Variants in CCDC30 observed in about 807,000 individuals in gnomAD.
CCDC30 encodes the protein coiled-coil domain containing 30, also known as coiled-coil domain-containing protein 30.
A neutral mutation model predicts 100.2 loss-of-function variants in CCDC30; 70 were observed. The ratio of observed to expected loss-of-function variants is 0.70; its 90% CI spans 0.58 to 0.85. The LOEUF (loss-of-function observed/expected upper bound fraction) is 0.85, where lower values mean the gene tolerates loss of function less well. Ranked by LOEUF, CCDC30 falls within the 40% of genes least tolerant of loss-of-function variation. The probability of loss-of-function intolerance (pLI) is 0.00; values close to 1 mark genes in which losing one functional copy is unlikely to be tolerated. For missense variants in CCDC30, 652 were observed against 771.2 expected (o/e 0.85, Z 1.83); for synonymous variants, 233 against 269.5 (o/e 0.86, Z 1.33).
chr1:42,463,747 G>A (rs1320067473), exon 1 of CCDC30: 3 of 152,124 alleles, frequency 2.0e-5, no homozygotes, highest in East Asian at 3.9e-4. Context: ...CCACTACGAA[G>A]TCCACGGAGG....
At chr1:42,576,649 T>C (rs1304900093) in intron 7 of CCDC30, among the ~76,000 whole-genome samples, 1 of 152,226 alleles carries the variant, frequency 6.6e-6, no homozygotes, top group Non-Finnish European at 1.5e-5. Flanking sequence ...CAGCAAAGTT[T>C]GGTGTCACAG....
At chr1:42,514,152 G>A (rs529563751) in intron 6 of CCDC30, among the ~76,000 whole-genome samples, 1 of 152,184 alleles carries the variant, frequency 6.6e-6, no homozygotes, top group African/African-American at 2.4e-5. Flanking sequence ...TCATCAATTG[G>A]ACATTTGATA....
chr1:42,601,963 A>G (rs912789689), intron 10 of CCDC30, among the ~76,000 whole-genome samples: 1 of 152,194 alleles, frequency 6.6e-6, no homozygotes, highest in Admixed American at 6.5e-5. Context: ...AATTCATCAG[A>G]TAAATTCAAC....
chr1:42,478,400 C>T (rs1397871404), intron 1 of CCDC30, among the ~76,000 whole-genome samples: 1 of 152,148 alleles, frequency 6.6e-6, no homozygotes, highest in African/African-American at 2.4e-5. Context: ...TCTTGGATGA[C>T]TCTAATACCA....
At chr1:42,583,765 G>C (rs751556964) in intron 9 of CCDC30, among the ~76,000 whole-genome samples, 1 of 152,198 alleles carries the variant, frequency 6.6e-6, no homozygotes, top group African/African-American at 2.4e-5. Context: ...TATGCAGTCT[G>C]TATGGCGTCA....
At chr1:42,628,648 T>C (rs1031774775) in intron 11 of CCDC30, among the ~76,000 whole-genome samples, 13 of 152,176 alleles carry the variant, frequency 8.5e-5, no homozygotes, top group East Asian at 1.9e-4. Flanking sequence ...TGAGATCTGA[T>C]GGGTTTATCA....
At chr1:42,633,121 A>T (rs1647072542) in intron 11 of CCDC30, among the ~76,000 whole-genome samples, 1 of 152,152 alleles carries the variant, frequency 6.6e-6, no homozygotes, top group Non-Finnish European at 1.5e-5. Flanking sequence ...GCTATACATT[A>T]TTCTTTGTAT....
In CCDC30 at chr1:42,541,836, C is replaced by G. The variant is rs138330460; in HGVS notation, c.457-24460C>G. ...AAGAAGCTGTATGTATTTGCTGAAG[C>G]CCACATTTTACAGGCTGTCATTTTT... is the stretch of plus-strand genomic sequence containing the variant. On this transcript the variant is annotated intron_variant, in intron 6 of 16. Coordinates refer to ENST00000668663, the Ensembl canonical transcript of CCDC30. 2.2e-3 allele frequency among the ~76,000 whole-genome samples: 333 copies of G among 152,264 alleles called. 2 individuals are homozygous for G. The highest frequency in any genetic ancestry group is 7.7e-3 in the African/African-American group (320 of 41,542).
intron 12 of CCDC30, among the ~76,000 whole-genome samples, chr1:42,638,860 G>A (rs1410786638): frequency 1.3e-5 from 2 of 151,340 alleles, no homozygotes; most frequent in Admixed American, 6.6e-5. Flanking sequence ...TGGGGGACAA[G>A]AGCAAAACTC....
At chr1:42,458,374 TAGTC>T (rs1569612978), upstream of CCDC30, among the ~76,000 whole-genome samples, 1 of 152,182 alleles carries the variant, frequency 6.6e-6, no homozygotes, top group Non-Finnish European at 1.5e-5. Flanking sequence ...CAGGAGTTCT[TAGTC>T]ATTTATTGGG....
intron 6 of CCDC30, among the ~76,000 whole-genome samples, chr1:42,507,838 A>T (rs907528455): frequency 6.6e-6 from 1 of 152,204 alleles, no homozygotes; most frequent in Non-Finnish European, 1.5e-5. Flanking sequence ...TATTTGACTT[A>T]CATGATTTAG....
At chr1:42,473,888 A>T (rs750487182) in intron 1 of CCDC30, among the ~76,000 whole-genome samples, 5 of 152,214 alleles carry the variant, frequency 3.3e-5, no homozygotes, top group South Asian at 2.1e-4. Flanking sequence ...TTTCCACAAT[A>T]GGGCTATCTA....
intron 15 of CCDC30, among the ~76,000 whole-genome samples, chr1:42,651,837 G>A (rs1648377594): frequency 1.3e-5 from 2 of 152,164 alleles, no homozygotes; most frequent in South Asian, 4.1e-4. Context: ...TCATGCTACT[G>A]CACTCCAGCC....
upstream of CCDC30, chr1:42,459,553 G>A (rs780056196): frequency 6.9e-7 from 1 of 1,439,996 alleles, no homozygotes; most frequent in Non-Finnish European, 9.6e-7. Flanking sequence ...GATTGACCTG[G>A]TAGGTAATGA....
At chr1:42,477,279 G>C (rs2148449962) in intron 1 of CCDC30, among the ~76,000 whole-genome samples, 1 of 152,260 alleles carries the variant, frequency 6.6e-6, no homozygotes, top group South Asian at 2.1e-4. Context: ...ACCCAGGCTG[G>C]AGTGCAGTGG....
chr1:42,460,283 C>T (rs1042718413), upstream of CCDC30: 3 of 1,010,656 alleles, frequency 3.0e-6, no homozygotes, highest in Non-Finnish European at 3.6e-6. Context: ...GGTTGAATGC[C>T]TATGTATGTC....
rs766302222 is a variant in CCDC30 at position 42,589,479 on chromosome 1, A to C, written c.1160A>C (p.Asp387Ala). The change falls in exon 10 of 17, where the codon GAT becomes GCT. Residue 387 changes from aspartate (D) to alanine (A), a missense_variant. Coordinates refer to ENST00000668663, the Ensembl canonical transcript of CCDC30. ...CTGGAAAATGAAAAAAGAAAATATG[A>C]TGAGGTAAGAAAGTAAATAGACATG... 34 of 1,612,166 alleles carry C rather than the reference A, an allele frequency of 2.1e-5. 1 individual carries two copies. In the South Asian group the frequency reaches 3.2e-4, roughly 15 times the overall value.
At chr1:42,617,707 C>T (rs1646752548) in intron 11 of CCDC30, among the ~76,000 whole-genome samples, 6 of 152,172 alleles carry the variant, frequency 3.9e-5, no homozygotes, top group Admixed American at 3.9e-4. Flanking sequence ...GTGGGGGCCA[C>T]AAGACCACAT....
chr1:42,571,029 C>T (rs2762699), intron 7 of CCDC30: 49,309 of 152,282 alleles, frequency 0.32, 8,356 homozygotes, highest in East Asian at 0.39. Flanking sequence ...AAGAAGCTGC[C>T]TTGGATGCAT....
Sources: gnomAD v4.1 joint callset for allele counts (sites outside exome capture counted in the v4.1 genomes callset) on GRCh38, gnomAD v4.1.1 for gene constraint, MANE v1.5 for transcripts, NCBI Gene and HGNC (gene_info 2026-07-23, HGNC 2026-07-21) for gene names.